VRK2: variants seen among roughly 807,000 people sequenced by gnomAD.
The protein encoded by VRK2 is VRK serine/threonine kinase 2.
Under a neutral mutation model 57.6 loss-of-function variants are expected in VRK2, and 60 were observed. The observed-to-expected ratio is 1.04, with a 90% CI of 0.85 to 1.29. The LOEUF (loss-of-function observed/expected upper bound fraction) is 1.29, where lower values mean the gene tolerates loss of function less well. Among genes scored for constraint, VRK2 ranks in the 50% most tolerant of loss-of-function variants. The pLI, the probability that VRK2 is intolerant of heterozygous loss-of-function variation, is 0.00. For missense variants in VRK2, 705 were observed against 588.1 expected (o/e 1.20, Z -2.06); for synonymous variants, 231 against 199.2 (o/e 1.16, Z -1.35).
At chr2:57,909,357 T>A (rs578216551) in intron 1 of VRK2, among the ~76,000 whole-genome samples, 2 of 152,310 alleles carry the variant, frequency 1.3e-5, no homozygotes, top group African/African-American at 2.4e-5. Flanking sequence ...ATCATCAGGG[T>A]CATAGCATCA....
At chr2:57,971,260 T>C (rs1672089701) in intron 1 of VRK2, among the ~76,000 whole-genome samples, 1 of 152,016 alleles carries the variant, frequency 6.6e-6, no homozygotes, top group South Asian at 2.1e-4. Context: ...AACATAGTAC[T>C]CACTTAGCAG....
At chr2:58,079,689 C>T (rs1271538032) in intron 2 of VRK2, among the ~76,000 whole-genome samples, 1 of 151,952 alleles carries the variant, frequency 6.6e-6, no homozygotes, top group Non-Finnish European at 1.5e-5. Context: ...ATTACTTTTG[C>T]ACCAACTTAA....
chr2:58,005,231 A>C (rs541556051), intron 1 of VRK2, among the ~76,000 whole-genome samples: 1 of 152,326 alleles, frequency 6.6e-6, no homozygotes, highest in Admixed American at 6.5e-5. Context: ...GGGATTAAAC[A>C]ACATCTAAGA....
At chr2:57,965,844 C>A (rs1323021438) in intron 1 of VRK2, among the ~76,000 whole-genome samples, 8 of 152,038 alleles carry the variant, frequency 5.3e-5, no homozygotes, top group African/African-American at 1.9e-4. Context: ...ATTGGTCATA[C>A]CCTTATATAG....
upstream of VRK2, among the ~76,000 whole-genome samples, chr2:58,043,933 C>T (rs1674568530): frequency 6.6e-6 from 1 of 152,098 alleles, no homozygotes; most frequent in Admixed American, 6.5e-5. Context: ...GTTAAATTGT[C>T]AATTTCTTCT....
At chr2:58,029,517 A>G (rs569826854) in intron 2 of VRK2, among the ~76,000 whole-genome samples, 7 of 152,194 alleles carry the variant, frequency 4.6e-5, no homozygotes, top group Non-Finnish European at 1.0e-4. Context: ...AAGTACTCCT[A>G]TATTGACCAA....
chr2:57,978,178 G>C (rs1672307839), intron 1 of VRK2, among the ~76,000 whole-genome samples: 1 of 150,890 alleles, frequency 6.6e-6, no homozygotes, highest in South Asian at 2.1e-4. Context: ...TAACATACTT[G>C]GTGCTGATTC....
At chr2:58,113,351 A>G (rs1675880393) in intron 7 of VRK2, among the ~76,000 whole-genome samples, 1 of 151,368 alleles carries the variant, frequency 6.6e-6, no homozygotes, top group South Asian at 2.1e-4. Context: ...TTTCTTCTGG[A>G]AGAACTTCCC....
At chr2:57,962,109 T>C (rs1671780094) in intron 1 of VRK2, among the ~76,000 whole-genome samples, 1 of 152,120 alleles carries the variant, frequency 6.6e-6, no homozygotes, top group Admixed American at 6.6e-5. Flanking sequence ...AAAACAGTAT[T>C]TTGTATGTCT....
chr2:57,998,905 A>C (rs1673004000), intron 1 of VRK2, among the ~76,000 whole-genome samples: 2 of 152,208 alleles, frequency 1.3e-5, no homozygotes, highest in African/African-American at 4.8e-5. Context: ...AAGGTATCTG[A>C]AGTCAGTATG....
intron 2 of VRK2, among the ~76,000 whole-genome samples, chr2:58,062,441 A>G (rs989618126): frequency 1.4e-4 from 21 of 152,228 alleles, no homozygotes; most frequent in Non-Finnish European, 4.4e-5. Context: ...GCTAGAAATA[A>G]TTAAGCTTAG....
intron 1 of VRK2, among the ~76,000 whole-genome samples, chr2:57,943,438 T>C (rs1293276144): frequency 6.6e-6 from 1 of 152,234 alleles, no homozygotes; most frequent in Non-Finnish European, 1.5e-5. Flanking sequence ...GGGAATGGAA[T>C]GTCTTGCTTC....
chr2:58,043,228 T>C (rs139061830), upstream of VRK2, among the ~76,000 whole-genome samples: 403 of 152,240 alleles, frequency 2.6e-3, 3 homozygotes, highest in African/African-American at 9.1e-3. Flanking sequence ...TATGAAAATA[T>C]GGTGGTTCAG....
intron 2 of VRK2, among the ~76,000 whole-genome samples, chr2:58,063,922 A>C (rs905567044): frequency 6.6e-6 from 1 of 152,070 alleles, no homozygotes; most frequent in African/African-American, 2.4e-5. Context: ...GTTGTTTCCA[A>C]CCCTTGTGGG....
At chr2:57,924,583 C>T (rs866043704) in intron 1 of VRK2, among the ~76,000 whole-genome samples, 1 of 151,948 alleles carries the variant, frequency 6.6e-6, no homozygotes, top group Middle Eastern at 3.2e-3. Context: ...TGAAACTTTA[C>T]TGAATCTATT....
At chr2:58,028,719 C>T (rs1301581641) in intron 2 of VRK2, among the ~76,000 whole-genome samples, 1 of 150,248 alleles carries the variant, frequency 6.7e-6, no homozygotes, top group African/African-American at 2.5e-5. Context: ...GGGTACATCA[C>T]ACACCGGGGC....
chr2:58,082,033 C>T (rs1166674370), intron 2 of VRK2, among the ~76,000 whole-genome samples: 1 of 151,774 alleles, frequency 6.6e-6, no homozygotes, highest in Non-Finnish European at 1.5e-5. Context: ...TCATATGAAG[C>T]ACCCGTCTCT....
At chr2:58,132,068 T>A in intron 9 of VRK2, 140 bp downstream of exon 9, 2 of 1,067,432 alleles carry the variant, frequency 1.9e-6, no homozygotes, top group Non-Finnish European at 2.6e-6. Flanking sequence ...AAATATGTTT[T>A]AAAAAAACCA....
chr2:58,101,398 G>T (rs888084919), intron 7 of VRK2, among the ~76,000 whole-genome samples: 1 of 151,516 alleles, frequency 6.6e-6, no homozygotes, highest in African/African-American at 2.4e-5. Context: ...TAGTATGTAT[G>T]CATCTCCAAA....
Sources: allele counts gnomAD v4.1 joint callset (sites outside exome capture counted in the v4.1 genomes callset), GRCh38; gene constraint gnomAD v4.1.1; transcripts MANE v1.5; gene names NCBI Gene and HGNC (gene_info 2026-07-23, HGNC 2026-07-21).